The following NSMCE2 variants were observed in gnomAD, a reference collection of about 807,000 sequenced individuals.
NSMCE2 encodes the protein E3 SUMO-protein ligase NSE2.
NSMCE2 carries 24 observed loss-of-function variants against 23.8 expected under a neutral mutation model. The observed-to-expected ratio is 1.01, with a 90% CI of 0.73 to 1.42. The LOEUF (loss-of-function observed/expected upper bound fraction) is 1.42, where lower values mean the gene tolerates loss of function less well. NSMCE2 is among the 40% of genes most tolerant of loss of function. The pLI is 0.00. For synonymous variants in NSMCE2, 92 were observed against 94.1 expected, an observed-to-expected ratio of 0.98 and a Z score of 0.13; for missense variants, 284 against 296.5, an observed-to-expected ratio of 0.96 and a Z score of 0.31.
chr8:125,153,972 T>C (rs577958469), intron 4 of NSMCE2, among the ~76,000 whole-genome samples: 1 of 152,214 alleles, frequency 6.6e-6, no homozygotes, highest in Non-Finnish European at 1.5e-5. Flanking sequence ...GGATTAAGTA[T>C]AGGCTACTTA....
chr8:125,339,854 G>A (rs1031435120), intron 5 of NSMCE2, among the ~76,000 whole-genome samples: 4 of 152,104 alleles, frequency 2.6e-5, no homozygotes, highest in Non-Finnish European at 5.9e-5. Flanking sequence ...CCCATCCTCT[G>A]TGCCTGGGAA....
chr8:125,296,482 A>G (rs1056502736), intron 5 of NSMCE2, among the ~76,000 whole-genome samples: 3 of 149,434 alleles, frequency 2.0e-5, no homozygotes, highest in African/African-American at 7.4e-5. Flanking sequence ...GCGACCTCCA[A>G]CTCCCAGGTT....
chr8:125,186,427 C>T (rs1823108093), intron 5 of NSMCE2, among the ~76,000 whole-genome samples: 1 of 151,868 alleles, frequency 6.6e-6, no homozygotes, highest in Non-Finnish European at 1.5e-5. Context: ...CCCTGAATAC[C>T]ATCCATTTGT....
chr8:125,210,834 C>A (rs1383523657), intron 5 of NSMCE2, among the ~76,000 whole-genome samples: 1 of 152,126 alleles, frequency 6.6e-6, no homozygotes, highest in East Asian at 1.9e-4. Flanking sequence ...GATTCTTATG[C>A]CTCAGCCTCC....
chr8:125,169,529 TGTC>T (rs1162984142), intron 4 of NSMCE2, among the ~76,000 whole-genome samples: 2 of 152,196 alleles, frequency 1.3e-5, no homozygotes, highest in Non-Finnish European at 2.9e-5. Context: ...AGAAATCTGT[TGTC>T]GTCCTTACTT....
chr8:125,263,986 A>G (rs1032427434), intron 5 of NSMCE2, among the ~76,000 whole-genome samples: 1 of 152,180 alleles, frequency 6.6e-6, no homozygotes, highest in South Asian at 2.1e-4. Context: ...TACTGTTCTC[A>G]TGTCTCAGAT....
At chr8:125,171,949 T>C (rs1822239868) in intron 4 of NSMCE2, among the ~76,000 whole-genome samples, 1 of 152,212 alleles carries the variant, frequency 6.6e-6, no homozygotes, top group South Asian at 2.1e-4. Flanking sequence ...GAACTCAGTG[T>C]TTAATTTTAT....
intron 3 of NSMCE2, among the ~76,000 whole-genome samples, chr8:125,136,927 A>C (rs1820098008): frequency 6.6e-6 from 1 of 152,180 alleles, no homozygotes; most frequent in South Asian, 2.1e-4. Context: ...TCTTTTCAGA[A>C]ACTTGCAGTG....
intron 5 of NSMCE2, among the ~76,000 whole-genome samples, chr8:125,250,620 C>T (rs1826165293): frequency 1.3e-5 from 2 of 152,068 alleles, no homozygotes; most frequent in African/African-American, 4.8e-5. Flanking sequence ...GGTCATATGT[C>T]TCTTGCAGAC....
At chr8:125,325,753 AC>A (rs1211263433) in intron 5 of NSMCE2, among the ~76,000 whole-genome samples, 1 of 152,142 alleles carries the variant, frequency 6.6e-6, no homozygotes, top group Non-Finnish European at 1.5e-5. Flanking sequence ...GGAGTTCAAG[AC>A]CAGCCTGGCC....
At chr8:125,173,118 A>G (rs1822302705) in intron 4 of NSMCE2, among the ~76,000 whole-genome samples, 1 of 152,184 alleles carries the variant, frequency 6.6e-6, no homozygotes, top group Non-Finnish European at 1.5e-5. Context: ...CATTAACACA[A>G]CCAATTCTGT....
At chr8:125,325,744 G>C (rs1228877725) in intron 5 of NSMCE2, among the ~76,000 whole-genome samples, 2 of 152,178 alleles carry the variant, frequency 1.3e-5, no homozygotes, top group African/African-American at 4.8e-5. Flanking sequence ...CTGCGGTCAG[G>C]AGTTCAAGAC....
chr8:125,319,482 TAAGA>T (rs991492699), intron 5 of NSMCE2, among the ~76,000 whole-genome samples: 1 of 152,106 alleles, frequency 6.6e-6, no homozygotes, highest in African/African-American at 2.4e-5. Flanking sequence ...CAGAAAACTA[TAAGA>T]AAGATTGCCC....
chr8:125,331,902 T>C (rs1829893894), intron 5 of NSMCE2, among the ~76,000 whole-genome samples: 1 of 152,228 alleles, frequency 6.6e-6, no homozygotes, highest in African/African-American at 2.4e-5. Context: ...CAGTCAGATA[T>C]GGCCTGTGCA....
intron 7 of NSMCE2, among the ~76,000 whole-genome samples, chr8:125,361,486 C>T (rs1247746621): frequency 6.6e-6 from 1 of 152,132 alleles, no homozygotes; most frequent in African/African-American, 2.4e-5. Flanking sequence ...AGCAGAACTC[C>T]AGCTTTGTGC....
intron 5 of NSMCE2, among the ~76,000 whole-genome samples, chr8:125,183,240 A>G (rs1822914663): frequency 6.6e-6 from 1 of 152,170 alleles, no homozygotes. Context: ...TTTTCTTTAA[A>G]TTGATGCTGA....
chr8:125,094,237 T>G (rs578226711), intron 1 of NSMCE2, among the ~76,000 whole-genome samples: 2 of 152,312 alleles, frequency 1.3e-5, no homozygotes, highest in Admixed American at 6.5e-5. Flanking sequence ...TTGCTGTTTG[T>G]GAAGCACTGC....
chr8:125,128,512 C>G (rs1176800394), intron 3 of NSMCE2, among the ~76,000 whole-genome samples: 1 of 152,080 alleles, frequency 6.6e-6, no homozygotes, highest in Non-Finnish European at 1.5e-5. Flanking sequence ...AATGGAGGCC[C>G]CATTTTCTAA....
rs1365058640 is a variant in NSMCE2 at position 125,159,634 on chromosome 8, A to G, written c.264+8357A>G. Among the ~76,000 whole-genome samples, 3 of 152,134 alleles carry G rather than the reference A, an allele frequency of 2.0e-5. No individual in the cohort carries two copies. In the East Asian group the frequency reaches 5.8e-4, roughly 29 times the overall value. ...GCATGACTATACAGGGTTTGGTACTATCTGGGGTTTTAGGCATCTACTGGG... is the reference window on the plus strand; with the variant it reads ...GCATGACTATACAGGGTTTGGTACTGTCTGGGGTTTTAGGCATCTACTGGG... On this transcript the variant is annotated intron_variant, in intron 4 of 7. Coordinates refer to ENST00000287437, the MANE Select transcript of NSMCE2 (RefSeq NM_173685.4).
Sources: allele counts gnomAD v4.1 joint callset (sites outside exome capture counted in the v4.1 genomes callset), GRCh38; gene constraint gnomAD v4.1.1; transcripts MANE v1.5; gene names NCBI Gene and HGNC (gene_info 2026-07-23, HGNC 2026-07-21).